Variants in CALN1 observed in about 807,000 individuals in gnomAD.
CALN1 encodes calneuron 1.
CALN1 carries 17 observed loss-of-function variants against 30.6 expected under a neutral mutation model. The observed-to-expected ratio is 0.56, with a 90% CI of 0.38 to 0.83. The LOEUF is 0.83. Among genes scored for constraint, CALN1 ranks in the 40% least tolerant of loss-of-function variants. The pLI, the probability that CALN1 is intolerant of heterozygous loss-of-function variation, is 0.00. For synonymous variants in CALN1, 156 were observed against 131.4 expected (o/e 1.19, Z -1.28); for missense variants, 291 against 354.9 (o/e 0.82, Z 1.45).
chr7:72,076,611 CAAAAAAAAAAAAAAAAA>C (rs572245834), intron 4 of CALN1, among the ~76,000 whole-genome samples: 186 of 6,114 alleles, frequency 0.03, no homozygotes, highest in African/African-American at 0.088. Context: ...AAAAAAAAAG[CAAAAAAAAAAAAAAAAA>C]AAAAAAAAAA....
chr7:72,375,159 G>A (rs1804482993), intron 2 of CALN1, among the ~76,000 whole-genome samples: 1 of 152,142 alleles, frequency 6.6e-6, no homozygotes. Flanking sequence ...CTTGTAGTTT[G>A]TCTAGGGCAA....
intron 2 of CALN1, among the ~76,000 whole-genome samples, chr7:72,376,967 T>C (rs1804596912): frequency 6.6e-6 from 1 of 152,212 alleles, no homozygotes; most frequent in Non-Finnish European, 1.5e-5. Context: ...TTGAATGGCC[T>C]TGGCACCCTT....
chr7:72,376,655 G>A (rs996483965), intron 2 of CALN1, among the ~76,000 whole-genome samples: 23 of 152,046 alleles, frequency 1.5e-4, no homozygotes, highest in Admixed American at 1.4e-3. Flanking sequence ...CATTCTGTGG[G>A]TTATCTTTTC....
intron 5 of CALN1, among the ~76,000 whole-genome samples, chr7:71,962,036 T>C (rs1797272565): frequency 6.6e-6 from 1 of 152,142 alleles, no homozygotes; most frequent in African/African-American, 2.4e-5. Context: ...TCTTCATTTG[T>C]ATCTGCGTAT....
chr7:72,336,977 G>A (rs1428825807), intron 2 of CALN1: 5 of 985,130 alleles, frequency 5.1e-6, no homozygotes, highest in Non-Finnish European at 6.0e-6. Flanking sequence ...ATCTGGGCGC[G>A]TGCCTCCCTG....
chr7:72,312,859 C>T (rs1485266964), intron 2 of CALN1, among the ~76,000 whole-genome samples: 1 of 150,932 alleles, frequency 6.6e-6, no homozygotes, highest in Non-Finnish European at 1.5e-5. Context: ...TTGAGATACA[C>T]AGTCTCATTC....
In CALN1 at chr7:72,033,506, G is replaced by T. The variant is rs115037331; in HGVS notation, c.389-9737C>A. On this transcript the variant is annotated intron_variant, in intron 4 of 6. Transcript: ENST00000395275. ...AATTGACCTAAAAGCATTGTGTTAA[G>T]GCAGGACAAAGTCAGGAACGCAGGG... Among the ~76,000 whole-genome samples the T allele has an allele frequency of 3.3e-3, 498 of 152,314 alleles. 1 individual carries two copies. The highest frequency in any genetic ancestry group is 0.011 in the African/African-American group (453 of 41,562).
chr7:72,363,813 C>T (rs1009842736), intron 2 of CALN1, among the ~76,000 whole-genome samples: 5 of 150,946 alleles, frequency 3.3e-5, no homozygotes, highest in Admixed American at 6.6e-5. Flanking sequence ...CTGCAACCCC[C>T]GCCTCCTGGG....
chr7:72,387,849 G>A (rs1211321743), intron 2 of CALN1, among the ~76,000 whole-genome samples: 1 of 152,164 alleles, frequency 6.6e-6, no homozygotes, highest in Admixed American at 6.5e-5. Context: ...TCCCATAGAA[G>A]TTGAAAGTAG....
the CALN1 span, among the ~76,000 whole-genome samples, chr7:72,457,148 A>G: frequency 2.0e-5 from 3 of 151,806 alleles, no homozygotes; most frequent in Non-Finnish European, 4.4e-5. Flanking sequence ...AGCTGGGATT[A>G]CAGGCATGTG....
chr7:72,379,888 T>C (rs900400298), intron 2 of CALN1, among the ~76,000 whole-genome samples: 2 of 152,204 alleles, frequency 1.3e-5, no homozygotes, highest in African/African-American at 4.8e-5. Flanking sequence ...GAGAATATTT[T>C]TGGAGACTGC....
At chr7:72,406,585 T>C (rs1806709421) in intron 1 of CALN1, among the ~76,000 whole-genome samples, 1 of 151,758 alleles carries the variant, frequency 6.6e-6, no homozygotes, top group African/African-American at 2.4e-5. Flanking sequence ...TCTGGGCTAA[T>C]TCCTAGACCC....
intron 5 of CALN1, among the ~76,000 whole-genome samples, chr7:71,837,243 CAAAAAAAA>C (rs55977265): frequency 6.3e-5 from 5 of 79,130 alleles, no homozygotes; most frequent in African/African-American, 1.5e-4. Context: ...AAAAAAAAGA[CAAAAAAAA>C]AAAAAAAAAA....
intron 5 of CALN1, among the ~76,000 whole-genome samples, chr7:71,849,272 C>G (rs1243607694): frequency 6.6e-6 from 1 of 152,132 alleles, no homozygotes; most frequent in Non-Finnish European, 1.5e-5. Flanking sequence ...AGTGATTTAG[C>G]ACAAGTTTCA....
chr7:71,957,128 G>A (rs1007277413), intron 5 of CALN1, among the ~76,000 whole-genome samples: 1 of 151,656 alleles, frequency 6.6e-6, no homozygotes, highest in Non-Finnish European at 1.5e-5. Flanking sequence ...TGTTTCTATC[G>A]CAGCCGAAGA....
At chr7:71,809,422 G>T (rs1787804643) in intron 6 of CALN1, among the ~76,000 whole-genome samples, 1 of 124,958 alleles carries the variant, frequency 8.0e-6, no homozygotes, top group Non-Finnish European at 1.6e-5. Context: ...TAGTGTCTAT[G>T]TGACAGCTTC....
rs181261857 is a variant in CALN1, at chr7:72,168,303, G to A, written c.245-62009C>T. 2.2e-4 allele frequency among the ~76,000 whole-genome samples: 34 copies of A among 151,748 alleles called. No individual in the cohort carries two copies. In the East Asian group the frequency reaches 5.6e-3, roughly 25 times the overall value. On this transcript the variant is annotated intron_variant, in intron 3 of 6. Coordinates refer to ENST00000395275, the MANE Select transcript of CALN1 (RefSeq NM_031468.4). Reference sequence around the variant, plus strand: ...GAAATATTCACATAGACAGTCCAACGATCTATAATCTGTAGGGTGGAGAAT... The same window carrying A: ...GAAATATTCACATAGACAGTCCAACAATCTATAATCTGTAGGGTGGAGAAT...
upstream of CALN1, among the ~76,000 whole-genome samples, chr7:72,413,687 ACACT>A (rs1200420555): frequency 2.0e-5 from 3 of 152,094 alleles, no homozygotes; most frequent in Admixed American, 6.5e-5. Context: ...ATATACATTC[ACACT>A]CACACTACAC....
At chr7:72,088,765 A>G (rs1375413945) in intron 4 of CALN1, among the ~76,000 whole-genome samples, 1 of 143,354 alleles carries the variant, frequency 7.0e-6, no homozygotes, top group African/African-American at 2.5e-5. Context: ...AAGAGAAGGA[A>G]GAGAAGTAAG....
Sources: allele counts gnomAD v4.1 joint callset (sites outside exome capture counted in the v4.1 genomes callset), GRCh38; gene constraint gnomAD v4.1.1; transcripts MANE v1.5; gene names NCBI Gene and HGNC (gene_info 2026-07-23, HGNC 2026-07-21).